Variants in STXBP5L observed in about 807,000 individuals in gnomAD.
STXBP5L encodes the protein syntaxin-binding protein 5-like.
Under a neutral mutation model 144.5 loss-of-function variants are expected in STXBP5L, and 65 were observed. The ratio of observed to expected loss-of-function variants is 0.45; its 90% confidence interval spans 0.37 to 0.55. The LOEUF (loss-of-function observed/expected upper bound fraction) is 0.55, where lower values mean the gene tolerates loss of function less well. STXBP5L is among the 20% of genes least tolerant of loss of function. The probability of loss-of-function intolerance (pLI) is 0.00; values close to 1 mark genes in which losing one functional copy is unlikely to be tolerated. For synonymous variants in STXBP5L, 505 were observed against 469.6 expected (o/e 1.08, Z -0.97); for missense variants, 1,298 against 1,405.5 (o/e 0.92, Z 1.22).
intron 3 of STXBP5L, among the ~76,000 whole-genome samples, chr3:121,001,955 C>G (rs1943816245): frequency 6.6e-6 from 1 of 152,164 alleles, no homozygotes. Flanking sequence ...ATCCATTCAT[C>G]CATTGACAGA....
At chr3:120,954,381 A>G (rs989082302) in intron 2 of STXBP5L, among the ~76,000 whole-genome samples, 10 of 152,088 alleles carry the variant, frequency 6.6e-5, no homozygotes, top group African/African-American at 2.4e-4. Flanking sequence ...TTCCCAATCA[A>G]TAACTCTTCA....
chr3:120,972,121 G>A (rs1490190745), intron 3 of STXBP5L, among the ~76,000 whole-genome samples: 1 of 152,002 alleles, frequency 6.6e-6, no homozygotes, highest in Non-Finnish European at 1.5e-5. Context: ...GTTGGCATTG[G>A]TAATTTGATA....
At chr3:121,397,511 T>G (rs184772458) in intron 22 of STXBP5L, among the ~76,000 whole-genome samples, 32 of 152,332 alleles carry the variant, frequency 2.1e-4, no homozygotes, top group Middle Eastern at 3.4e-3. Context: ...GTTAATCATT[T>G]TAAAGGTATA....
At chr3:121,362,127 C>T (rs1007622269) in intron 20 of STXBP5L, among the ~76,000 whole-genome samples, 5 of 152,214 alleles carry the variant, frequency 3.3e-5, no homozygotes, top group African/African-American at 1.2e-4. Context: ...TACTTACTTT[C>T]TCCCAAACAT....
At chr3:121,257,013 T>C (rs2050227139) in intron 16 of STXBP5L, 148 bp from the exon 17 acceptor site, 1 of 564,312 alleles carries the variant, frequency 1.8e-6, no homozygotes, top group Non-Finnish European at 3.0e-6. Context: ...GTAAATAGTA[T>C]TGAACTTATT....
intron 20 of STXBP5L, among the ~76,000 whole-genome samples, chr3:121,377,579 C>G (rs1356117309): frequency 6.6e-6 from 1 of 152,220 alleles, no homozygotes. Flanking sequence ...AAAAGCTCAT[C>G]ATCACTGGTC....
At chr3:121,035,464 G>A (rs897159595) in intron 3 of STXBP5L, among the ~76,000 whole-genome samples, 2 of 152,118 alleles carry the variant, frequency 1.3e-5, no homozygotes, top group Non-Finnish European at 2.9e-5. Context: ...TATTGAAAAG[G>A]ATGTCCTTTC....
At chr3:121,201,780 C>T (rs2048149202) in intron 9 of STXBP5L, among the ~76,000 whole-genome samples, 1 of 152,188 alleles carries the variant, frequency 6.6e-6, no homozygotes, top group African/African-American at 2.4e-5. Flanking sequence ...TTAAGCTTAG[C>T]TTGGCTGGAT....
chr3:121,056,791 A>T (rs1948490002), intron 5 of STXBP5L, among the ~76,000 whole-genome samples: 1 of 152,020 alleles, frequency 6.6e-6, no homozygotes, highest in Admixed American at 6.6e-5. Flanking sequence ...ATATATAAGC[A>T]AATATAATAT....
At chr3:121,347,036 G>A (rs1434935626) in intron 20 of STXBP5L, among the ~76,000 whole-genome samples, 1 of 152,208 alleles carries the variant, frequency 6.6e-6, no homozygotes, top group Non-Finnish European at 1.5e-5. Context: ...CCATGCCTAT[G>A]TCCTGAATGG....
intron 9 of STXBP5L, among the ~76,000 whole-genome samples, chr3:121,202,393 A>T (rs1199434919): frequency 4.6e-5 from 7 of 152,128 alleles, no homozygotes; most frequent in African/African-American, 1.7e-4. Context: ...AATTATATAC[A>T]TATTGTTTTA....
intron 3 of STXBP5L, among the ~76,000 whole-genome samples, chr3:120,987,893 G>T (rs552697178): frequency 6.6e-6 from 1 of 151,760 alleles, no homozygotes; most frequent in South Asian, 2.1e-4. Flanking sequence ...TTTGTTAAAT[G>T]TTTGGTAGAA....
intron 5 of STXBP5L, among the ~76,000 whole-genome samples, chr3:121,111,440 T>C (rs2043982544): frequency 6.6e-6 from 1 of 152,198 alleles, no homozygotes; most frequent in African/African-American, 2.4e-5. Flanking sequence ...TTTTTGTTAA[T>C]GTTGTTGCTG....
intron 9 of STXBP5L, among the ~76,000 whole-genome samples, chr3:121,196,931 C>G (rs1204545841): frequency 6.6e-6 from 1 of 152,294 alleles, no homozygotes; most frequent in East Asian, 1.9e-4. Flanking sequence ...AATCTTTCCA[C>G]CCCAGCCTCC....
chr3:121,006,914 G>A (rs961692100), intron 3 of STXBP5L, among the ~76,000 whole-genome samples: 4 of 152,160 alleles, frequency 2.6e-5, no homozygotes, highest in Admixed American at 2.0e-4. Context: ...TCTGCTGAGA[G>A]ATCACCTGTT....
intron 20 of STXBP5L, among the ~76,000 whole-genome samples, chr3:121,355,199 T>A (rs143019133): frequency 1.3e-5 from 2 of 152,292 alleles, no homozygotes; most frequent in African/African-American, 4.8e-5. Flanking sequence ...ATCTTTGTAG[T>A]GTTCTCTATA....
intron 10 of STXBP5L, among the ~76,000 whole-genome samples, chr3:121,206,244 T>A (rs1371154559): frequency 6.6e-6 from 1 of 152,152 alleles, no homozygotes; most frequent in Non-Finnish European, 1.5e-5. Flanking sequence ...ATTATACACA[T>A]TAATTTTAAC....
chr3:121,356,645 C>G (rs945058125), intron 20 of STXBP5L, among the ~76,000 whole-genome samples: 2 of 152,214 alleles, frequency 1.3e-5, no homozygotes, highest in Non-Finnish European at 2.9e-5. Flanking sequence ...CTTGCACTTC[C>G]CGGGTGAGGC....
chr3:121,177,735 T>G (rs2046989828), intron 9 of STXBP5L, among the ~76,000 whole-genome samples: 3 of 152,148 alleles, frequency 2.0e-5, no homozygotes, highest in Admixed American at 2.0e-4. Context: ...TCAAAAAAAT[T>G]AAAAGTAGAC....
Sources: gnomAD v4.1 joint callset for allele counts (sites outside exome capture counted in the v4.1 genomes callset) on GRCh38, gnomAD v4.1.1 for gene constraint, MANE v1.5 for transcripts, NCBI Gene and HGNC (gene_info 2026-07-23, HGNC 2026-07-21) for gene names.